Variants in PARP12 observed in about 807,000 individuals in gnomAD.
The protein encoded by PARP12 is protein mono-ADP-ribosyltransferase PARP12.
In PARP12, 59 loss-of-function variants were observed where a neutral mutation model predicts 72.4. The observed-to-expected ratio is 0.81, with a 90% CI of 0.66 to 1.01. The LOEUF is 1.01. PARP12 is among the 50% of genes least tolerant of loss of function. The pLI, the probability that PARP12 is intolerant of heterozygous loss-of-function variation, is 0.00. For synonymous variants in PARP12, 403 were observed against 371.4 expected, an observed-to-expected ratio of 1.09 and a Z score of -0.98; for missense variants, 851 against 914.0, an observed-to-expected ratio of 0.93 and a Z score of 0.89.
In PARP12 at chr7:140,051,459, C is replaced by T. The variant is rs536311942; in HGVS notation, c.862+3203G>A. Among the ~76,000 whole-genome samples, 63 of 151,666 alleles carry T rather than the reference C, an allele frequency of 4.2e-4. No individual in the cohort carries two copies. The East Asian group carries it at 0.012, about 29-fold the overall frequency. ...AGGCTGGAGTGCAGTGGCACGGTCT[C>T]GGCTCACCGCAACCTCCACCTCCCG... On this transcript the variant is annotated intron_variant, in intron 4 of 11. Coordinates refer to ENST00000263549, the MANE Select transcript of PARP12 (RefSeq NM_022750.4).
At chr7:140,049,351 A>G (rs781353840) in intron 4 of PARP12, among the ~76,000 whole-genome samples, 11 of 152,182 alleles carry the variant, frequency 7.2e-5, no homozygotes, top group Non-Finnish European at 1.5e-4. Context: ...GAACCTCTTG[A>G]ACTCTCTCAA....
chr7:140,024,615 G>T lies in PARP12; in HGVS notation c.2051C>A (p.Ser684Ter). ...GGCCAGCAGGATGGAGGGTGTGACC[G>T]AGGGCTTGGAGGAGGTGGTGTACTG... ...VIQYTTSSKP[S>*]VTPSILLALG... Residue 684 changes from serine (S) to a stop codon, truncating the protein, a stop_gained, in exon 12 of 12, where the codon TCG becomes TAG. Coordinates refer to ENST00000263549, the MANE Select transcript of PARP12 (RefSeq NM_022750.4). LOFTEE classifies it low-confidence loss of function (END_TRUNC). The T allele has an allele frequency of 6.2e-7, 1 of 1,614,202 alleles. No homozygotes were observed. Among genetic ancestry groups the T allele is most frequent in the Non-Finnish European group, 8.5e-7 (1 of 1,180,028 alleles).
At chr7:140,054,483 G>A (rs1817100339) in intron 4 of PARP12, among the ~76,000 whole-genome samples, 179 bp downstream of exon 4, 1 of 152,200 alleles carries the variant, frequency 6.6e-6, no homozygotes, top group South Asian at 2.1e-4. Context: ...TCAAAGAATT[G>A]CTACCATCTT....
chr7:140,029,788 A>T (rs1815870427), intron 8 of PARP12, among the ~76,000 whole-genome samples: 1 of 152,266 alleles, frequency 6.6e-6, no homozygotes, highest in African/African-American at 2.4e-5. Flanking sequence ...GCTTAATAGC[A>T]GATTAGACCA....
At chr7:140,058,113 A>T (rs982836811) in intron 1 of PARP12, 79 bp from the exon 2 acceptor site, 1 of 1,468,638 alleles carries the variant, frequency 6.8e-7, no homozygotes, top group African/African-American at 1.4e-5. Flanking sequence ...AACTCCCACG[A>T]CCTCAGGATA....
At chr7:140,061,093 A>C (rs966413240) in intron 1 of PARP12, among the ~76,000 whole-genome samples, 4 of 152,142 alleles carry the variant, frequency 2.6e-5, no homozygotes, top group African/African-American at 9.7e-5. Context: ...TTTCTCACAC[A>C]CATAGCCCTT....
intron 7 of PARP12, among the ~76,000 whole-genome samples, chr7:140,035,692 T>C (rs1163931655): frequency 6.6e-6 from 1 of 152,214 alleles, no homozygotes; most frequent in African/African-American, 2.4e-5. Flanking sequence ...TTGTGTGTTT[T>C]AAATGTACTT....
At chr7:140,026,566 C>G (rs1815746220) in intron 10 of PARP12, among the ~76,000 whole-genome samples, 1 of 152,162 alleles carries the variant, frequency 6.6e-6, no homozygotes, top group African/African-American at 2.4e-5. Flanking sequence ...AACCCTCCCT[C>G]CACAGCTCCA....
intron 4 of PARP12, among the ~76,000 whole-genome samples, chr7:140,049,944 G>A (rs374395751): frequency 3.9e-5 from 6 of 152,142 alleles, no homozygotes; most frequent in African/African-American, 1.4e-4. Context: ...TTTCTAGGAC[G>A]TGAGTCATAG....
chr7:140,037,968 TGGG>T (rs778509748), intron 6 of PARP12, 112 bp from the exon 7 acceptor site: 29 of 1,474,680 alleles, frequency 2.0e-5, no homozygotes, highest in Non-Finnish European at 2.6e-5. Flanking sequence ...AGTCCTGTGG[TGGG>T]GAAGATGGAG....
At chr7:140,039,960 T>C (rs1569527231) in intron 6 of PARP12, among the ~76,000 whole-genome samples, 1 of 152,134 alleles carries the variant, frequency 6.6e-6, no homozygotes, top group Non-Finnish European at 1.5e-5. Flanking sequence ...GCTCCAGGTG[T>C]TGGCTGACTG....
chr7:140,033,202 A>G, intron 8 of PARP12: 1 of 985,378 alleles, frequency 1.0e-6, no homozygotes, highest in Non-Finnish European at 1.2e-6. Context: ...GCAAAAATAA[A>G]TTTTAATTTA....
chr7:140,046,632 G>T (rs1302275625), intron 5 of PARP12, among the ~76,000 whole-genome samples: 1 of 152,164 alleles, frequency 6.6e-6, no homozygotes, highest in Non-Finnish European at 1.5e-5. Context: ...AAAGGAGAGG[G>T]AGGTGGGAGA....
In PARP12 at chr7:140,026,311, C is replaced by T; in HGVS notation, c.1666G>A (p.Ala556Thr). 1.2e-6 allele frequency: 2 copies of T among 1,612,810 alleles called. No homozygotes were observed. The highest frequency in any genetic ancestry group is 1.7e-6 in the Non-Finnish European group (2 of 1,180,016). Residue 556 changes from alanine to threonine, a missense_variant, in exon 11 of 12, where the codon GCC becomes ACC. Coordinates refer to ENST00000263549, the MANE Select transcript of PARP12 (RefSeq NM_022750.4). ...TGGAACAGCTGCCGCTCGTCCACGG[C>T]CTTCCCTCCGTTCTGCTTCTGCATC... ...GQMQKQNGGKAVDERQLFHGT... is the reference protein window; with the variant it reads ...GQMQKQNGGKTVDERQLFHGT...
intron 6 of PARP12, among the ~76,000 whole-genome samples, chr7:140,040,761 G>C (rs1198193170): frequency 1.3e-5 from 2 of 152,156 alleles, no homozygotes; most frequent in East Asian, 3.8e-4. Flanking sequence ...TATCAATGGT[G>C]CCTTCCCTAA....
chr7:140,026,408 G>A, intron 10 of PARP12, 60 bp from the exon 11 acceptor site: 2 of 1,554,132 alleles, frequency 1.3e-6, no homozygotes, highest in Admixed American at 3.8e-5. Context: ...AATACAGCCG[G>A]CCTGATGCAA....
chr7:140,052,732 T>TTTTGTGTG (rs1554515740), intron 4 of PARP12, among the ~76,000 whole-genome samples: 1 of 145,706 alleles, frequency 6.9e-6, no homozygotes, highest in African/African-American at 2.5e-5. Context: ...AAGACCCCTT[T>TTTTGTGTG]TGTGTGTGTG....
chr7:140,046,164 G>A (rs975838580), intron 5 of PARP12, among the ~76,000 whole-genome samples: 9 of 152,244 alleles, frequency 5.9e-5, no homozygotes, highest in African/African-American at 2.2e-4. Context: ...GGGGTGGTAT[G>A]TGAACCATTT....
At chr7:140,028,063 G>A (rs1007355769) in intron 9 of PARP12, among the ~76,000 whole-genome samples, 24 of 152,318 alleles carry the variant, frequency 1.6e-4, no homozygotes, top group African/African-American at 5.1e-4. Context: ...CTCGGCAGCC[G>A]GCCAGCTGGC....
Sources: gnomAD v4.1 joint callset for allele counts (sites outside exome capture counted in the v4.1 genomes callset) on GRCh38, gnomAD v4.1.1 for gene constraint, MANE v1.5 for transcripts, NCBI Gene and HGNC (gene_info 2026-07-23, HGNC 2026-07-21) for gene names.